Variants in ZFHX3 observed in about 807,000 individuals in gnomAD.
ZFHX3 encodes the protein zinc finger homeobox 3, also known as zinc finger homeobox protein 3.
Under a neutral mutation model 279.1 loss-of-function variants are expected in ZFHX3, and 42 were observed. The ratio of observed to expected loss-of-function variants is 0.15; its 90% confidence interval spans 0.12 to 0.19. The LOEUF (loss-of-function observed/expected upper bound fraction) is 0.19. Among genes scored for constraint, ZFHX3 ranks in the 10% least tolerant of loss-of-function variants. The pLI is 1.00. For missense variants in ZFHX3, 4,981 were observed against 4,754.0 expected (o/e 1.05, Z -1.40); for synonymous variants, 2,293 against 1,957.8 (o/e 1.17, Z -4.52).
intron 2 of ZFHX3, among the ~76,000 whole-genome samples, chr16:73,526,493 C>T (rs1438278969): frequency 6.6e-6 from 1 of 152,208 alleles, no homozygotes; most frequent in African/African-American, 2.4e-5. Context: ...GTTTTAAAAC[C>T]TATAAAATAC....
chr16:73,885,309 A>G (rs1437289083), intron 1 of ZFHX3, among the ~76,000 whole-genome samples: 1 of 152,184 alleles, frequency 6.6e-6, no homozygotes, highest in Non-Finnish European at 1.5e-5. Context: ...AATGTAATTT[A>G]TTTTTAAAAA....
intron 1 of ZFHX3, among the ~76,000 whole-genome samples, chr16:72,972,857 C>G (rs1962167135): frequency 6.6e-6 from 1 of 152,180 alleles, no homozygotes; most frequent in Non-Finnish European, 1.5e-5. Flanking sequence ...CCCATTCCTA[C>G]AGCTCTCCAT....
intron 5 of ZFHX3, among the ~76,000 whole-genome samples, chr16:73,250,700 A>AT (rs111432714): frequency 0.11 from 17,181 of 151,554 alleles, 1,489 homozygotes; most frequent in East Asian, 0.48. Context: ...CGTCTGGCTA[A>AT]TTTTTTTGTA....
At chr16:72,927,715 C>T (rs998043192) in intron 3 of ZFHX3, among the ~76,000 whole-genome samples, 1 of 151,986 alleles carries the variant, frequency 6.6e-6, no homozygotes, top group African/African-American at 2.4e-5. Flanking sequence ...CCTCTCTGCG[C>T]CAGGCACACT....
intron 2 of ZFHX3, among the ~76,000 whole-genome samples, chr16:73,596,702 C>T (rs368223398): frequency 6.6e-6 from 1 of 152,184 alleles, no homozygotes; most frequent in East Asian, 1.9e-4. Flanking sequence ...CATCATAGCA[C>T]GTTCAATCAT....
rs753977275 is a variant in ZFHX3 at position 72,958,049 on chromosome 16, GC to G, written c.2096del (p.Gly699AlafsTer125). ...HMKEKHPEPGGSCVYCKSGQP... is the reference protein window; with the variant it reads ...HMKEKHPEPGXSCVYCKSGQP... ...GCCCGCTTTTGCAGTAGACACAGGAGCCCCCCGGCTCCGGGTGCTTCTCCTT... is the reference window on the plus strand; with the variant it reads ...GCCCGCTTTTGCAGTAGACACAGGAGCCCCCGGCTCCGGGTGCTTCTCCTT... On this transcript the variant is annotated frameshift_variant, in exon 2 of 10. Transcript: ENST00000268489. LOFTEE classifies it high-confidence loss of function. 6.2e-7 allele frequency: 1 copy of G among 1,613,658 alleles called. No homozygotes were observed.
chr16:73,372,418 C>T lies in ZFHX3; in HGVS notation c.-1290-54082G>A, dbSNP rs531246072. Among the ~76,000 whole-genome samples, 101 of 152,124 alleles carry T rather than the reference C, an allele frequency of 6.6e-4. 2 individuals are homozygous for T. The highest frequency in any genetic ancestry group is 4.4e-5 in the Non-Finnish European group (3 of 68,012). On this transcript the variant is annotated intron_variant, in intron 3 of 17. Coordinates refer to the ZFHX3 transcript ENST00000641206. ...TACTAATTACGCAAGTCATTTGTCACGAAGCTCTTGCCAGAAAACGTATTT... is the reference window on the plus strand; with the variant it reads ...TACTAATTACGCAAGTCATTTGTCATGAAGCTCTTGCCAGAAAACGTATTT...
chr16:72,939,522 C>G (rs1365724815), intron 3 of ZFHX3, among the ~76,000 whole-genome samples: 1 of 152,208 alleles, frequency 6.6e-6, no homozygotes, highest in Non-Finnish European at 1.5e-5. Flanking sequence ...GACACAGACT[C>G]GCTCCCAAGG....
chr16:73,623,661 TA>T (rs1329595752), intron 2 of ZFHX3, among the ~76,000 whole-genome samples: 2 of 152,184 alleles, frequency 1.3e-5, no homozygotes, highest in African/African-American at 2.4e-5. Flanking sequence ...AATCGTGAAA[TA>T]TTTTTTTAAA....
chr16:73,887,922 G>A (rs377327953), intron 1 of ZFHX3, among the ~76,000 whole-genome samples: 1 of 152,086 alleles, frequency 6.6e-6, no homozygotes, highest in Non-Finnish European at 1.5e-5. Flanking sequence ...GAAGATATAA[G>A]TGCTAAGTCC....
At chr16:72,920,429 C>T (rs2039554833) in intron 3 of ZFHX3, among the ~76,000 whole-genome samples, 1 of 151,544 alleles carries the variant, frequency 6.6e-6, no homozygotes. Flanking sequence ...GCCTGTAATC[C>T]AAGCACTTTG....
chr16:72,869,209 G>A (rs1455933145), intron 4 of ZFHX3, among the ~76,000 whole-genome samples: 2 of 152,116 alleles, frequency 1.3e-5, no homozygotes, highest in South Asian at 2.1e-4. Flanking sequence ...AAATACTGGG[G>A]AGACTAGAAA....
intron 5 of ZFHX3, among the ~76,000 whole-genome samples, chr16:72,816,180 GT>G (rs1269226256): frequency 6.6e-6 from 1 of 152,136 alleles, no homozygotes; most frequent in African/African-American, 2.4e-5. Flanking sequence ...TAATATTACA[GT>G]TATCATTTAA....
chr16:73,533,377 GA>G (rs2143732736), intron 2 of ZFHX3, among the ~76,000 whole-genome samples: 1 of 149,768 alleles, frequency 6.7e-6, no homozygotes, highest in East Asian at 2.0e-4. Flanking sequence ...TATCTGAAGT[GA>G]AACACTTTAC....
chr16:73,816,170 A>G (rs540214504), intron 1 of ZFHX3: 2 of 152,312 alleles, frequency 1.3e-5, no homozygotes, highest in African/African-American at 4.8e-5. Flanking sequence ...GAGCTAGATA[A>G]TATCTTTCAG....
intron 2 of ZFHX3, among the ~76,000 whole-genome samples, chr16:73,480,006 C>T (rs1304905108): frequency 6.6e-6 from 1 of 152,148 alleles, no homozygotes; most frequent in Admixed American, 6.5e-5. Context: ...GTCGTGGGGA[C>T]CTGATGCCGG....
rs797000071 is a variant in ZFHX3, at chr16:73,129,240, T to C, written c.-897+1728A>G. ...CCGTCTCTACTAAAAATACAAAAAT[T>C]AGCCAGGCGTGGTGGTGGGTTCCTG... On this transcript the variant is annotated intron_variant, in intron 7 of 17. Transcript: ENST00000641206. Among the ~76,000 whole-genome samples the C allele has an allele frequency of 7.9e-5, 12 of 151,942 alleles. 1 individual carries two copies. Among genetic ancestry groups the C allele is most frequent in the African/African-American group, 2.9e-4 (12 of 41,442 alleles).
At chr16:72,863,529 G>A (rs2037938184) in intron 4 of ZFHX3, among the ~76,000 whole-genome samples, 1 of 146,296 alleles carries the variant, frequency 6.8e-6, no homozygotes. Flanking sequence ...GACAGAGACA[G>A]AGACAGACAG....
chr16:73,621,684 A>G (rs568125091), intron 2 of ZFHX3, among the ~76,000 whole-genome samples: 3 of 152,214 alleles, frequency 2.0e-5, no homozygotes, highest in African/African-American at 4.8e-5. Context: ...AGGAGTCTGC[A>G]TAATTCTCAA....
Sources: gnomAD v4.1 joint callset for allele counts (sites outside exome capture counted in the v4.1 genomes callset) on GRCh38, gnomAD v4.1.1 for gene constraint, MANE v1.5 for transcripts, NCBI Gene and HGNC (gene_info 2026-07-23, HGNC 2026-07-21) for gene names.